Variants in DPYSL3 observed in about 807,000 individuals in gnomAD.
DPYSL3 encodes dihydropyrimidinase-related protein 3.
DPYSL3 carries 16 observed loss-of-function variants against 66.1 expected under a neutral mutation model. That is an observed-to-expected ratio of 0.24 (90% confidence interval 0.16 to 0.37). The LOEUF (loss-of-function observed/expected upper bound fraction) is 0.37, where lower values mean the gene tolerates loss of function less well. Ranked by LOEUF, DPYSL3 falls within the 10% of genes least tolerant of loss-of-function variation. The pLI is 1.00. For missense variants in DPYSL3, 738 were observed against 916.2 expected (o/e 0.81, Z 2.51); for synonymous variants, 338 against 345.1 (o/e 0.98, Z 0.23).
At chr5:147,496,052 T>C (rs977842823) in intron 1 of DPYSL3, among the ~76,000 whole-genome samples, 2 of 152,050 alleles carry the variant, frequency 1.3e-5, no homozygotes, top group African/African-American at 4.8e-5. Flanking sequence ...AAAACAGAGA[T>C]ATAGACCAAT....
intron 1 of DPYSL3, among the ~76,000 whole-genome samples, chr5:147,503,849 G>T (rs1181403518): frequency 6.6e-6 from 1 of 152,194 alleles, no homozygotes; most frequent in Non-Finnish European, 1.5e-5. Context: ...TAAAGGTTAG[G>T]TCTGGAAACT....
chr5:147,505,245 T>C (rs1388189603), intron 1 of DPYSL3, among the ~76,000 whole-genome samples: 1 of 152,188 alleles, frequency 6.6e-6, no homozygotes, highest in East Asian at 1.9e-4. Flanking sequence ...AGAGACGTTT[T>C]TTTTTTTGAG....
At chr5:147,418,320 T>A in intron 3 of DPYSL3, 127 bp downstream of exon 3, 1 of 954,384 alleles carries the variant, frequency 1.0e-6, no homozygotes, top group Non-Finnish European at 1.5e-6. Flanking sequence ...TCAGGTCCCA[T>A]CAGGCAACAC....
Position 147,439,881 on chromosome 5 carries a change from A to G in DPYSL3, c.382-14918T>C, listed in dbSNP as rs1581195454. Among the ~76,000 whole-genome samples the G allele has an allele frequency of 2.6e-5, 4 of 152,234 alleles. No individual in the cohort carries two copies. The South Asian group carries it at 6.2e-4, about 24-fold the overall frequency. The stretch of plus-strand genomic sequence containing the variant: ...CTTACCTTGACTGTGTCATTACTAA[A>G]TATCCAAGTAAATTTAATCTATATA... On this transcript the variant is annotated intron_variant, in intron 1 of 13. Transcript: ENST00000343218.
chr5:147,468,991 G>A (rs1309107868), intron 1 of DPYSL3, among the ~76,000 whole-genome samples: 2 of 152,130 alleles, frequency 1.3e-5, no homozygotes, highest in African/African-American at 4.8e-5. Flanking sequence ...TACAATGTAC[G>A]CTATTTTCCA....
At chr5:147,426,106 T>C (rs1182446642) in intron 1 of DPYSL3, among the ~76,000 whole-genome samples, 1 of 152,088 alleles carries the variant, frequency 6.6e-6, no homozygotes, top group Admixed American at 6.6e-5. Context: ...AGTCTGGCAA[T>C]AGAGAAATAA....
At chr5:147,416,316 ACT>A (rs1751967312) in intron 3 of DPYSL3, among the ~76,000 whole-genome samples, 2 of 151,952 alleles carry the variant, frequency 1.3e-5, no homozygotes, top group Admixed American at 1.3e-4. Context: ...AAAAGGTCAG[ACT>A]CTCTTCCAAG....
intron 1 of DPYSL3, among the ~76,000 whole-genome samples, chr5:147,433,986 C>G (rs150956460): frequency 0.024 from 3,662 of 150,144 alleles, 148 homozygotes; most frequent in African/African-American, 0.083. Context: ...GCTGAGATTG[C>G]ACCACTGCAC....
intron 1 of DPYSL3, among the ~76,000 whole-genome samples, chr5:147,482,693 C>T (rs774715982): frequency 5.3e-5 from 8 of 152,160 alleles, no homozygotes; most frequent in Non-Finnish European, 1.2e-4. Flanking sequence ...ATTGAGCTTA[C>T]GCATAAGATT....
At chr5:147,407,790 GC>G (rs1751738499) in intron 7 of DPYSL3, among the ~76,000 whole-genome samples, 2 of 152,016 alleles carry the variant, frequency 1.3e-5, no homozygotes, top group Non-Finnish European at 1.5e-5. Flanking sequence ...TATTTAAATG[GC>G]AATAAAAATA....
At chr5:147,472,875 T>C (rs1344018442) in intron 1 of DPYSL3, 2 of 152,120 alleles carry the variant, frequency 1.3e-5, no homozygotes, top group Non-Finnish European at 2.9e-5. Context: ...ATGGCCTCTT[T>C]CCAAGCCATT....
chr5:147,399,039 T>C (rs1461542160), intron 11 of DPYSL3, 43 bp downstream of exon 11: 2 of 1,598,116 alleles, frequency 1.3e-6, no homozygotes, highest in Non-Finnish European at 1.7e-6. Context: ...GTTCCTTGCA[T>C]GCATTCTCCA....
At chr5:147,503,747 A>G (rs1022615502) in intron 1 of DPYSL3, among the ~76,000 whole-genome samples, 2 of 152,252 alleles carry the variant, frequency 1.3e-5, no homozygotes, top group African/African-American at 4.8e-5. Flanking sequence ...CCATTACTAT[A>G]GGGACCATTT....
chr5:147,418,281 G>A, intron 3 of DPYSL3, among the ~76,000 whole-genome samples, 166 bp downstream of exon 3: 1 of 152,188 alleles, frequency 6.6e-6, no homozygotes. Flanking sequence ...ACAGGGAGCT[G>A]CCCATTTCCT....
chr5:147,399,833 T>TA, intron 10 of DPYSL3, among the ~76,000 whole-genome samples: 1 of 152,340 alleles, frequency 6.6e-6, no homozygotes, highest in South Asian at 2.1e-4. Context: ...GATAAATACA[T>TA]ACGTACTGCT....
At chr5:147,420,762 G>T (rs1331358929) in intron 2 of DPYSL3, among the ~76,000 whole-genome samples, 1 of 152,168 alleles carries the variant, frequency 6.6e-6, no homozygotes, top group East Asian at 1.9e-4. Flanking sequence ...ACACACATCT[G>T]ATGGTTAAAT....
At chr5:147,394,150 G>GA in intron 13 of DPYSL3, 27 bp from the exon 14 acceptor site, 1 of 1,606,518 alleles carries the variant, frequency 6.2e-7, no homozygotes, top group Admixed American at 1.7e-5. Context: ...ATTCCCAGGG[G>GA]GAAAAAAAAA....
chr5:147,416,735 T>A (rs1751978758), intron 3 of DPYSL3, among the ~76,000 whole-genome samples: 1 of 152,168 alleles, frequency 6.6e-6, no homozygotes, highest in South Asian at 2.1e-4. Context: ...CCTAGGGAAA[T>A]AAATGAGGCT....
intron 1 of DPYSL3, among the ~76,000 whole-genome samples, chr5:147,435,723 A>G (rs1359201637): frequency 6.7e-6 from 1 of 149,612 alleles, no homozygotes; most frequent in Non-Finnish European, 1.5e-5. Flanking sequence ...TGGCAGGGGG[A>G]AAAAAAACAA....
Sources: allele counts gnomAD v4.1 joint callset (sites outside exome capture counted in the v4.1 genomes callset), GRCh38; gene constraint gnomAD v4.1.1; transcripts MANE v1.5; gene names NCBI Gene and HGNC (gene_info 2026-07-23, HGNC 2026-07-21).